KLHL4: variants seen among roughly 807,000 people sequenced by gnomAD.
KLHL4 encodes the protein kelch like family member 4, also known as kelch-like protein 4.
In KLHL4, 17 loss-of-function variants were observed where a neutral mutation model predicts 45.8. The ratio of observed to expected loss-of-function variants is 0.37; its 90% CI spans 0.25 to 0.56. The LOEUF is 0.56. Among genes scored for constraint, KLHL4 ranks in the 20% least tolerant of loss-of-function variants. The pLI, the probability that KLHL4 is intolerant of heterozygous loss-of-function variation, is 0.79. For missense variants in KLHL4, 544 were observed against 544.9 expected (o/e 1.00, Z 0.02); for synonymous variants, 224 against 189.9 (o/e 1.18, Z -1.47).
At chrX:87,555,752 T>G (rs1931956549) in intron 1 of KLHL4, among the ~76,000 whole-genome samples, 1 of 107,792 alleles carries the variant, frequency 9.3e-6, no homozygotes, top group South Asian at 4.3e-4. Context: ...ATTTCTTGCC[T>G]TCTGCTAGCT....
intron 9 of KLHL4, among the ~76,000 whole-genome samples, chrX:87,640,767 T>C (rs988704274): frequency 2.7e-5 from 3 of 111,440 alleles, no homozygotes; most frequent in African/African-American, 9.8e-5. Context: ...ACATTCTCCC[T>C]GAGAACTGGA....
At chrX:87,641,658 G>C (rs1260622028) in intron 9 of KLHL4, among the ~76,000 whole-genome samples, 1 of 111,240 alleles carries the variant, frequency 9.0e-6, no homozygotes, top group Non-Finnish European at 1.9e-5. Context: ...TTTCAAGCCC[G>C]TCTCGTCCTC....
At chrX:87,642,427 C>G (rs1923494242) in intron 9 of KLHL4, among the ~76,000 whole-genome samples, 1 of 111,950 alleles carries the variant, frequency 8.9e-6, no homozygotes, top group Non-Finnish European at 1.9e-5. Flanking sequence ...TCTGACAGAG[C>G]CTACCCAAAT....
intron 1 of KLHL4, among the ~76,000 whole-genome samples, chrX:87,573,343 T>C (rs935222351): frequency 4.5e-5 from 5 of 111,099 alleles, no homozygotes; most frequent in Non-Finnish European, 9.5e-5. Context: ...AAATACTATA[T>C]AGACAATGAG....
chrX:87,660,873 A>C (rs934216339), intron 9 of KLHL4, among the ~76,000 whole-genome samples: 3 of 112,175 alleles, frequency 2.7e-5, no homozygotes, highest in East Asian at 2.8e-4. Flanking sequence ...CAAACAAACA[A>C]AAAACTGCAT....
At chrX:87,519,694 A>T (rs1437489163) in intron 1 of KLHL4, among the ~76,000 whole-genome samples, 7 of 112,391 alleles carry the variant, frequency 6.2e-5, no homozygotes, top group Admixed American at 5.7e-4. Flanking sequence ...TCTCAAAGTA[A>T]TATAGAGTCC....
At chrX:87,547,652 T>C (rs1931713590) in intron 1 of KLHL4, among the ~76,000 whole-genome samples, 1 of 110,400 alleles carries the variant, frequency 9.1e-6, no homozygotes, top group Admixed American at 9.8e-5. Flanking sequence ...AAACCCTGTC[T>C]CTACTAAAAG....
rs187461792 is a variant in KLHL4 at position 87,541,141 on chromosome X, C to T, written c.422+22826C>T. Reference sequence around the variant, plus strand: ...ATTGGATCATGGGGGCAGTTTCCCCCGTGCTGTTCTTGTGATAGTGAGGGT... The same window carrying T: ...ATTGGATCATGGGGGCAGTTTCCCCTGTGCTGTTCTTGTGATAGTGAGGGT... On this transcript the variant is annotated intron_variant, in intron 1 of 10. Transcript: ENST00000373119. 2.5e-4 allele frequency among the ~76,000 whole-genome samples: 27 copies of T among 109,742 alleles called. No individual in the cohort carries two copies. The East Asian group carries it at 6.7e-3, about 27-fold the overall frequency.
intron 9 of KLHL4, among the ~76,000 whole-genome samples, chrX:87,652,625 C>A (rs188497200): frequency 6.3e-5 from 7 of 111,995 alleles, no homozygotes; most frequent in Admixed American, 9.5e-5. Flanking sequence ...TCTGAGACCA[C>A]CTCAGCCTGG....
chrX:87,531,277 C>A (rs1183714613), intron 1 of KLHL4, among the ~76,000 whole-genome samples: 1 of 110,477 alleles, frequency 9.1e-6, no homozygotes, highest in East Asian at 2.9e-4. Context: ...TTAATTAGAT[C>A]CCATTTGTCA....
At chrX:87,582,724 G>A (rs1159744150) in intron 1 of KLHL4, among the ~76,000 whole-genome samples, 5 of 111,879 alleles carry the variant, frequency 4.5e-5, no homozygotes, top group Non-Finnish European at 9.4e-5. Context: ...TCCTTCCAGT[G>A]GGTTTGTGGT....
chrX:87,594,385 G>T (rs907659316), intron 1 of KLHL4, among the ~76,000 whole-genome samples: 7 of 111,244 alleles, frequency 6.3e-5, no homozygotes, highest in Non-Finnish European at 1.9e-5. Flanking sequence ...ATTCCTATAC[G>T]GTTTCAAGGT....
chrX:87,628,140 C>G (rs547630521), intron 6 of KLHL4, among the ~76,000 whole-genome samples: 2 of 111,748 alleles, frequency 1.8e-5, no homozygotes, highest in Non-Finnish European at 3.8e-5. Flanking sequence ...ATTACTTAAT[C>G]TTTGGCATTT....
At chrX:87,580,193 A>G (rs1369152701) in intron 1 of KLHL4, among the ~76,000 whole-genome samples, 4 of 110,786 alleles carry the variant, frequency 3.6e-5, no homozygotes, top group Non-Finnish European at 7.6e-5. Context: ...GCTTCATGTG[A>G]TCTCAAACAA....
At chrX:87,619,381 A>G (rs931798234) in intron 4 of KLHL4, among the ~76,000 whole-genome samples, 29 of 111,733 alleles carry the variant, frequency 2.6e-4, no homozygotes, top group African/African-American at 7.8e-4. Flanking sequence ...CCCTAGGTCC[A>G]TTGCTCAAAA....
rs960858355 is a variant in KLHL4 at position 87,522,689 on chromosome X, A to G, written c.422+4374A>G. ...AGGTTAAGGTTAAATCTTTTTGCCT[A>G]TGGTTTAAAACACACCGCACAAAAT... On this transcript the variant is annotated intron_variant, in intron 1 of 10. Coordinates refer to ENST00000373119, the MANE Select transcript of KLHL4 (RefSeq NM_019117.5). Among the ~76,000 whole-genome samples the G allele has an allele frequency of 8.9e-5, 10 of 112,568 alleles. No individual in the cohort carries two copies. In the East Asian group the frequency reaches 2.8e-3, roughly 31 times the overall value.
chrX:87,539,014 A>G (rs1173449107), intron 1 of KLHL4, among the ~76,000 whole-genome samples: 6 of 111,888 alleles, frequency 5.4e-5, no homozygotes, highest in Non-Finnish European at 9.4e-5. Context: ...TGGCTAAAAT[A>G]CACATTAACA....
intron 1 of KLHL4, among the ~76,000 whole-genome samples, chrX:87,544,093 C>A (rs1345145003): frequency 9.0e-6 from 1 of 110,885 alleles, no homozygotes; most frequent in Non-Finnish European, 1.9e-5. Flanking sequence ...GAGCCCACTG[C>A]CCTGAAGGTT....
At chrX:87,518,543 C>T (rs1398017786) in intron 1 of KLHL4, among the ~76,000 whole-genome samples, 2 of 111,587 alleles carry the variant, frequency 1.8e-5, no homozygotes, top group Admixed American at 9.6e-5. Flanking sequence ...GAGTTTACTT[C>T]TCCTATTTTC....
Sources: allele counts gnomAD v4.1 joint callset (sites outside exome capture counted in the v4.1 genomes callset), GRCh38; gene constraint gnomAD v4.1.1; transcripts MANE v1.5; gene names NCBI Gene and HGNC (gene_info 2026-07-23, HGNC 2026-07-21).